The following RORA variants were observed in gnomAD, a reference collection of about 807,000 sequenced individuals.
RORA encodes the protein nuclear receptor ROR-alpha.
Under a neutral mutation model 69.5 loss-of-function variants are expected in RORA, and 7 were observed. That is an observed-to-expected ratio of 0.10 (90% CI 0.06 to 0.19). The LOEUF is 0.19. Ranked by LOEUF, RORA falls within the 10% of genes least tolerant of loss-of-function variation. The probability of loss-of-function intolerance (pLI) is 1.00; values close to 1 mark genes in which losing one functional copy is unlikely to be tolerated. For synonymous variants in RORA, 261 were observed against 240.8 expected (o/e 1.08, Z -0.78); for missense variants, 457 against 663.0 (o/e 0.69, Z 3.41).
chr15:60,817,671 T>C (rs2072836391), intron 1 of RORA, among the ~76,000 whole-genome samples: 1 of 152,242 alleles, frequency 6.6e-6, no homozygotes, highest in South Asian at 2.1e-4. Flanking sequence ...CCCGTGTCTT[T>C]ACCTCTAGTT....
At chr15:60,835,369 T>C (rs1307835782) in intron 1 of RORA, among the ~76,000 whole-genome samples, 1 of 152,194 alleles carries the variant, frequency 6.6e-6, no homozygotes, top group Non-Finnish European at 1.5e-5. Flanking sequence ...TATCAGTCAA[T>C]CATATAATCT....
intron 1 of RORA, among the ~76,000 whole-genome samples, chr15:61,191,928 C>A (rs1448473683): frequency 6.6e-6 from 1 of 152,242 alleles, no homozygotes; most frequent in Non-Finnish European, 1.5e-5. Flanking sequence ...CTTCGCTTCT[C>A]TAAGAAAAGC....
chr15:60,507,774 C>T (rs1383949266), intron 5 of RORA, among the ~76,000 whole-genome samples: 4 of 152,042 alleles, frequency 2.6e-5, no homozygotes, highest in Non-Finnish European at 5.9e-5. Flanking sequence ...GAAGAGTCTT[C>T]GCAGGGAAGT....
At chr15:60,797,849 G>A (rs775387774) in intron 1 of RORA, among the ~76,000 whole-genome samples, 34 of 152,186 alleles carry the variant, frequency 2.2e-4, no homozygotes, top group Non-Finnish European at 3.7e-4. Flanking sequence ...TGCTAGCCAG[G>A]TGAAGGGACT....
intron 1 of RORA, among the ~76,000 whole-genome samples, chr15:60,951,597 A>T (rs1893097745): frequency 6.7e-6 from 1 of 150,078 alleles, no homozygotes; most frequent in Non-Finnish European, 1.5e-5. Flanking sequence ...ATAAAAAATG[A>T]TAAAGGGGAT....
chr15:60,718,613 C>T (rs2071251059), intron 1 of RORA, among the ~76,000 whole-genome samples: 1 of 152,232 alleles, frequency 6.6e-6, no homozygotes, highest in South Asian at 2.1e-4. Context: ...TGCAAACTGA[C>T]TTTAAAAGAC....
At chr15:61,011,121 C>A (rs966564727) in intron 1 of RORA, among the ~76,000 whole-genome samples, 1 of 152,276 alleles carries the variant, frequency 6.6e-6, no homozygotes, top group African/African-American at 2.4e-5. Flanking sequence ...CCAAATCCAG[C>A]TTTCCTCCCA....
rs2065005188 is a variant in RORA, at chr15:60,489,321, G to C, written c.*8134C>G. The C allele has an allele frequency of 6.6e-6, 1 of 152,158 alleles. No individual in the cohort carries two copies. Among genetic ancestry groups the C allele is most frequent in the African/African-American group, 2.4e-5 (1 of 41,422 alleles). 9.4% of individuals were successfully genotyped at this position (152,158 alleles called of 1,614,324 possible). On this transcript the variant is annotated 3_prime_UTR_variant, in exon 11 of 11. Coordinates refer to ENST00000335670, the MANE Select transcript of RORA (RefSeq NM_134261.3). ...TAGAATTGTGGATAAATATTGCAGT[G>C]CATGGAAGCCAATAATCATGGCTTG...
chr15:60,685,359 G>A (rs896260649), intron 1 of RORA, among the ~76,000 whole-genome samples: 5 of 152,156 alleles, frequency 3.3e-5, no homozygotes, highest in African/African-American at 4.8e-5. Context: ...AAATTTACAC[G>A]CAGTGCATGA....
chr15:61,054,140 G>A (rs2078056680), intron 1 of RORA, among the ~76,000 whole-genome samples: 1 of 151,924 alleles, frequency 6.6e-6, no homozygotes, highest in South Asian at 2.1e-4. Flanking sequence ...AAAATTAAAG[G>A]ATGATGACGA....
chr15:60,576,620 T>C (rs2068033910), intron 2 of RORA, among the ~76,000 whole-genome samples: 1 of 152,382 alleles, frequency 6.6e-6, no homozygotes, highest in South Asian at 2.1e-4. Flanking sequence ...GAACTGATTC[T>C]GCCAAGTGTA....
At chr15:60,591,301 G>C (rs528389979) in intron 2 of RORA, among the ~76,000 whole-genome samples, 1 of 152,192 alleles carries the variant, frequency 6.6e-6, no homozygotes, top group Non-Finnish European at 1.5e-5. Flanking sequence ...AGCGGGCGGC[G>C]GGCGGCGGGC....
chr15:61,050,539 G>A (rs969272700), intron 1 of RORA, among the ~76,000 whole-genome samples: 1 of 152,188 alleles, frequency 6.6e-6, no homozygotes, highest in Admixed American at 6.5e-5. Flanking sequence ...AAGCTAGTTT[G>A]TGAAAAAGAG....
intron 1 of RORA, among the ~76,000 whole-genome samples, chr15:61,026,845 A>G (rs763641797): frequency 2.0e-5 from 3 of 152,176 alleles, no homozygotes; most frequent in African/African-American, 7.2e-5. Context: ...ACCTCTGAAC[A>G]ATGCCTTTAA....
intron 3 of RORA, among the ~76,000 whole-genome samples, chr15:60,515,957 T>TTATATATATTTATATATTTATATA (rs374446786): frequency 5.7e-5 from 1 of 17,588 alleles, no homozygotes; most frequent in Non-Finnish European, 9.3e-5. Context: ...ATTTATATAT[T>TTATATATATTTATATATTTATATA]TATATTTATA....
At chr15:60,702,871 C>A (rs1430370434) in intron 1 of RORA, among the ~76,000 whole-genome samples, 4 of 152,130 alleles carry the variant, frequency 2.6e-5, no homozygotes, top group African/African-American at 9.7e-5. Flanking sequence ...TGGAATGGGC[C>A]TTTTCCCTCT....
intron 2 of RORA, among the ~76,000 whole-genome samples, chr15:60,611,511 G>T (rs1181632556): frequency 9.3e-6 from 1 of 107,928 alleles, no homozygotes; most frequent in African/African-American, 3.5e-5. Context: ...TGTCTTGGTA[G>T]AAAGCAAAAT....
At chr15:61,063,277 T>C (rs777930160) in intron 1 of RORA, among the ~76,000 whole-genome samples, 1 of 152,198 alleles carries the variant, frequency 6.6e-6, no homozygotes, top group Non-Finnish European at 1.5e-5. Context: ...TTTTAGATTA[T>C]CTTATTTTAT....
At chr15:60,996,504 T>C (rs1371500524) in intron 1 of RORA, among the ~76,000 whole-genome samples, 3 of 152,046 alleles carry the variant, frequency 2.0e-5, no homozygotes, top group Non-Finnish European at 2.9e-5. Flanking sequence ...TTAGGTCTTT[T>C]GTTTCAGTAA....
Sources: allele counts gnomAD v4.1 joint callset (sites outside exome capture counted in the v4.1 genomes callset), GRCh38; gene constraint gnomAD v4.1.1; transcripts MANE v1.5; gene names NCBI Gene and HGNC (gene_info 2026-07-23, HGNC 2026-07-21).